EXPH5: variants seen among roughly 807,000 people sequenced by gnomAD.
The protein encoded by EXPH5 is exophilin 5, also known as exophilin-5.
EXPH5 carries 42 observed loss-of-function variants against 41.1 expected under a neutral mutation model. The ratio of observed to expected loss-of-function variants is 1.02; its 90% CI spans 0.80 to 1.32. The LOEUF is 1.32. Among genes scored for constraint, EXPH5 ranks in the 40% most tolerant of loss-of-function variants. The pLI is 0.00. For synonymous variants in EXPH5, 798 were observed against 833.5 expected (o/e 0.96, Z 0.73); for missense variants, 2,298 against 2,314.5 (o/e 0.99, Z 0.15).
Position 108,511,724 on chromosome 11 carries a change from G to C in EXPH5, c.3783C>G (p.Ser1261Arg). ...SIYYTLPRKP[S>R]KKFCNLLQQY... ...GTTGAAGGAGGTTACAGAATTTTTT[G>C]CTGGGTTTCCTCGGTAGAGTGTAAT... Residue 1261 changes from serine (S) to arginine (R), a missense_variant, in exon 6 of 6, where the codon AGC becomes AGG. Transcript: ENST00000265843. 3 of 1,607,352 alleles carry C rather than the reference G, an allele frequency of 1.9e-6. No individual in the cohort carries two copies. Among genetic ancestry groups the C allele is most frequent in the Non-Finnish European group, 2.5e-6 (3 of 1,178,308 alleles).
chr11:108,525,106 T>C (rs759677557), intron 4 of EXPH5, among the ~76,000 whole-genome samples: 10 of 152,354 alleles, frequency 6.6e-5, no homozygotes, highest in East Asian at 3.9e-4. Context: ...TCTCTCTTGC[T>C]TGCCACCATG....
rs897259624 is a variant in EXPH5, at chr11:108,513,572, G to T, written c.1935C>A (p.Asn645Lys). ...SDDRRNPQSP[N>K]LQNPTVTLQK... ...GCAAAGTGACTGTGGGATTCTGCAA[G>T]TTGGGACTCTGAGGATTCCTTCTGT... The change falls in exon 6 of 6, where the codon AAC (asparagine) becomes AAA (lysine). Residue 645 changes from asparagine (N) to lysine (K), a missense_variant. By Grantham distance (94) the Asn-to-Lys change is moderately conservative. Transcript: ENST00000265843. 2 of 1,614,196 alleles carry T rather than the reference G, an allele frequency of 1.2e-6. No individual in the cohort carries two copies. Among genetic ancestry groups the T allele is most frequent in the East Asian group, 2.2e-5 (1 of 44,880 alleles).
chr11:108,559,535 T>C (rs960327590), intron 1 of EXPH5, among the ~76,000 whole-genome samples: 1 of 152,250 alleles, frequency 6.6e-6, no homozygotes, highest in African/African-American at 2.4e-5. Flanking sequence ...ATTATATTGT[T>C]CATGGCTTCT....
intron 2 of EXPH5, 144 bp from the exon 3 acceptor site, chr11:108,539,330 GATTAAGGCAGT>G: frequency 1.7e-6 from 1 of 577,862 alleles, no homozygotes; most frequent in South Asian, 2.6e-5. Context: ...AGACCTCAGG[GATTAAGGCAGT>G]CAGAGCAACC....
intron 1 of EXPH5, among the ~76,000 whole-genome samples, chr11:108,565,037 C>T (rs1018705754): frequency 2.6e-5 from 4 of 151,764 alleles, no homozygotes; most frequent in Admixed American, 1.3e-4. Context: ...TCCCGAGTAG[C>T]TGGGATCACA....
chr11:108,577,938 T>C (rs1194908886), intron 1 of EXPH5, among the ~76,000 whole-genome samples: 1 of 152,238 alleles, frequency 6.6e-6, no homozygotes, highest in Non-Finnish European at 1.5e-5. Context: ...TTCTGGTTAT[T>C]AATCCCTGTT....
intron 1 of EXPH5, among the ~76,000 whole-genome samples, chr11:108,570,408 C>T (rs957704080): frequency 6.6e-6 from 1 of 152,096 alleles, no homozygotes; most frequent in Non-Finnish European, 1.5e-5. Context: ...GCACATGCCA[C>T]CATGCCCAGC....
rs1353314143 is a variant in EXPH5, at chr11:108,509,938, A to G, written c.5569T>C (p.Ser1857Pro). 1.2e-6 allele frequency: 2 copies of G among 1,611,950 alleles called. No individual in the cohort carries two copies. The highest frequency in any genetic ancestry group is 2.2e-5 in the East Asian group (1 of 44,856). Residue 1857 changes from serine to proline, a missense_variant, in exon 6 of 6, where the codon TCC (serine) becomes CCC (proline). Coordinates refer to ENST00000265843, the MANE Select transcript of EXPH5 (RefSeq NM_015065.3). ...RRFRSFSELPSCDGNESWAYR... is the reference protein window; with the variant it reads ...RRFRSFSELPPCDGNESWAYR... Reference sequence around the variant, plus strand: ...GCCCAACTTTCATTTCCATCACAGGAGGGGAGTTCAGAAAAAGATCTGAAT... The same window carrying G: ...GCCCAACTTTCATTTCCATCACAGGGGGGGAGTTCAGAAAAAGATCTGAAT...
At chr11:108,604,423 C>T in the EXPH5 span, among the ~76,000 whole-genome samples, 1 of 151,898 alleles carries the variant, frequency 6.6e-6, no homozygotes, top group Non-Finnish European at 1.5e-5. Flanking sequence ...TGGGAGAGGG[C>T]TGGATATTTT....
chr11:108,542,099 C>T (rs188833540), intron 1 of EXPH5, among the ~76,000 whole-genome samples: 9 of 152,112 alleles, frequency 5.9e-5, no homozygotes, highest in Non-Finnish European at 7.4e-5. Flanking sequence ...AGGCTGGTCT[C>T]GAACTCCTGA....
At chr11:108,558,141 C>T (rs1417259777) in intron 1 of EXPH5, among the ~76,000 whole-genome samples, 1 of 151,772 alleles carries the variant, frequency 6.6e-6, no homozygotes, top group Non-Finnish European at 1.5e-5. Context: ...TGGGGTTTCA[C>T]CATGTTGTCC....
the EXPH5 span, among the ~76,000 whole-genome samples, chr11:108,607,025 G>A: frequency 6.6e-6 from 1 of 152,130 alleles, no homozygotes; most frequent in African/African-American, 2.4e-5. Context: ...TCTGTCTCAG[G>A]AAGTTCTTTG....
chr11:108,577,631 C>T (rs1044416922), intron 1 of EXPH5, among the ~76,000 whole-genome samples: 2 of 152,106 alleles, frequency 1.3e-5, no homozygotes, highest in African/African-American at 4.8e-5. Flanking sequence ...CCGTGTTGCC[C>T]AGGCTGATCT....
the EXPH5 span, among the ~76,000 whole-genome samples, chr11:108,601,405 A>G: frequency 8.5e-5 from 13 of 152,330 alleles, no homozygotes; most frequent in African/African-American, 3.1e-4. Context: ...AAATAAAAAT[A>G]GTATTTCCAA....
At chr11:108,520,185 G>C (rs1274819621) in intron 4 of EXPH5, among the ~76,000 whole-genome samples, 1 of 152,164 alleles carries the variant, frequency 6.6e-6, no homozygotes, top group Non-Finnish European at 1.5e-5. Context: ...ATTCTCACAG[G>C]ATTGCGAACC....
intron 3 of EXPH5, 72 bp from the exon 4 acceptor site, chr11:108,528,256 C>T (rs2093813235): frequency 4.9e-6 from 5 of 1,011,546 alleles, no homozygotes; most frequent in East Asian, 2.4e-5. Context: ...ATCAACAGCA[C>T]ATTTGCCATA....
intron 1 of EXPH5, among the ~76,000 whole-genome samples, chr11:108,584,166 G>T (rs2094106782): frequency 6.6e-6 from 1 of 152,138 alleles, no homozygotes; most frequent in Non-Finnish European, 1.5e-5. Flanking sequence ...AGTCACACAG[G>T]TTGTTGTATG....
Position 108,510,084 on chromosome 11 carries a change from C to A in EXPH5, c.5423G>T (p.Arg1808Leu). Residue 1808 changes from arginine to leucine, a missense_variant, in exon 6 of 6, where the codon CGA becomes CTA. Arg to Leu is a moderately radical substitution (Grantham distance 102). Coordinates refer to ENST00000265843, the MANE Select transcript of EXPH5 (RefSeq NM_015065.3). ...KSINVHGDLL[R>L]KSHPPKVRER... ...CCTGACTTTTGGAGGATGGCTTTTT[C>A]GTAGTAGATCGCCATGAACATTAAT... 2 of 1,611,282 alleles carry A rather than the reference C, an allele frequency of 1.2e-6. No homozygotes were observed. Among genetic ancestry groups the A allele is most frequent in the Middle Eastern group, 3.3e-4 (2 of 6,030 alleles).
intron 1 of EXPH5, among the ~76,000 whole-genome samples, chr11:108,557,863 C>T (rs1024100626): frequency 1.3e-5 from 2 of 152,098 alleles, no homozygotes; most frequent in Non-Finnish European, 2.9e-5. Flanking sequence ...TGGGAAATTC[C>T]CTTTTCTCTG....
Sources: gnomAD v4.1 joint callset for allele counts (sites outside exome capture counted in the v4.1 genomes callset) on GRCh38, gnomAD v4.1.1 for gene constraint, MANE v1.5 for transcripts, NCBI Gene and HGNC (gene_info 2026-07-23, HGNC 2026-07-21) for gene names.